The following CPD variants were observed in gnomAD, a reference collection of about 807,000 sequenced individuals.
CPD encodes the protein carboxypeptidase D.
In CPD, 69 loss-of-function variants were observed where a neutral mutation model predicts 138.3. That is an observed-to-expected ratio of 0.50 (90% CI 0.41 to 0.61). The LOEUF is 0.61. CPD is among the 20% of genes least tolerant of loss of function. The probability of loss-of-function intolerance (pLI) is 0.00; values close to 1 mark genes in which losing one functional copy is unlikely to be tolerated. For synonymous variants in CPD, 651 were observed against 642.1 expected (o/e 1.01, Z -0.21); for missense variants, 1,432 against 1,733.3 (o/e 0.83, Z 3.09).
intron 17 of CPD, among the ~76,000 whole-genome samples, chr17:30,458,866 A>G (rs1597738151): frequency 4.4e-4 from 1 of 2,298 alleles, no homozygotes. Flanking sequence ...ACCCTGTCTC[A>G]AAAAAAAAAA....
At chr17:30,408,797 A>C (rs1911877483) in intron 2 of CPD, among the ~76,000 whole-genome samples, 1 of 152,048 alleles carries the variant, frequency 6.6e-6, no homozygotes, top group Non-Finnish European at 1.5e-5. Flanking sequence ...AATACCCTTT[A>C]TTTCTTTCTC....
At chr17:30,463,108 A>G (rs960256271) in intron 20 of CPD, among the ~76,000 whole-genome samples, 3 of 152,124 alleles carry the variant, frequency 2.0e-5, no homozygotes, top group Non-Finnish European at 2.9e-5. Context: ...GATTTTGTTT[A>G]TGGCCAGTTT....
At chr17:30,444,192 C>T in intron 11 of CPD, 1 of 398,256 alleles carries the variant, frequency 2.5e-6, no homozygotes, top group Non-Finnish European at 4.5e-6. Flanking sequence ...CTAGTTATTG[C>T]TTAGTTGACT....
intron 12 of CPD, among the ~76,000 whole-genome samples, chr17:30,447,061 G>A (rs1913051353): frequency 6.6e-6 from 1 of 152,168 alleles, no homozygotes; most frequent in South Asian, 2.1e-4. Context: ...GTTCTTTGTA[G>A]ATTCTGGATA....
At position 30,440,713 on chromosome 17, in the gene CPD, C is replaced by T. The variant is rs1597730655; in HGVS notation, c.2231-1595C>T. On this transcript the variant is annotated intron_variant, in intron 9 of 20. Transcript: ENST00000225719. ...TTTCTCAGGTTTGTCAAAGATCAGA[C>T]AGTTGTAGGTATGTGGTGTTATTTC... Among the ~76,000 whole-genome samples the T allele has an allele frequency of 2.7e-5, 4 of 150,060 alleles. No individual in the cohort carries two copies. The South Asian group carries it at 6.4e-4, about 24-fold the overall frequency.
intron 2 of CPD, among the ~76,000 whole-genome samples, chr17:30,414,268 G>C (rs934734162): frequency 2.4e-4 from 37 of 152,160 alleles, no homozygotes; most frequent in African/African-American, 8.9e-4. Flanking sequence ...GCAGGAACAG[G>C]GGAACCTGTT....
At chr17:30,448,106 A>T (rs1341439647) in intron 12 of CPD, among the ~76,000 whole-genome samples, 1 of 152,236 alleles carries the variant, frequency 6.6e-6, no homozygotes. Context: ...AATACCAATT[A>T]CTTTTCTTCC....
chr17:30,401,194 T>TTGCTGCTGC (rs541279857), intron 2 of CPD, among the ~76,000 whole-genome samples: 1 of 151,720 alleles, frequency 6.6e-6, no homozygotes, highest in Admixed American at 6.6e-5. Context: ...GACTATTTTA[T>TTGCTGCTGC]TGCTGCTGCT....
chr17:30,400,964 A>G (rs916163847), intron 2 of CPD, among the ~76,000 whole-genome samples: 3 of 151,704 alleles, frequency 2.0e-5, no homozygotes, highest in Admixed American at 6.6e-5. Flanking sequence ...GGCGTGAGCC[A>G]CTGCACCCGG....
rs115257895 is a variant in CPD at position 30,464,859 on chromosome 17, T to C, written c.*45T>C. The stretch of plus-strand genomic sequence containing the variant: ...TCCCAGCATAAGTACCAAGCAAAAT[T>C]ACAGTTCCTCTTGGGAGAACACTGC... On this transcript the variant is annotated 3_prime_UTR_variant, in exon 21 of 21. Coordinates refer to ENST00000225719, the MANE Select transcript of CPD (RefSeq NM_001304.5). 2.4e-3 allele frequency: 3,519 copies of C among 1,469,376 alleles called. 64 individuals are homozygous for C. The African/African-American group carries it at 0.044, about 18-fold the overall frequency. The allele number at this position is 1,469,376 out of a possible 1,614,324, so 91.0% of individuals were successfully genotyped here.
intron 13 of CPD, among the ~76,000 whole-genome samples, chr17:30,451,112 AT>A (rs1913155404): frequency 6.6e-6 from 1 of 152,210 alleles, no homozygotes; most frequent in Admixed American, 6.5e-5. Context: ...CATTTTATAA[AT>A]GTAGAAACTG....
At chr17:30,420,298 C>G (rs1269318985) in intron 2 of CPD, among the ~76,000 whole-genome samples, 1 of 152,160 alleles carries the variant, frequency 6.6e-6, no homozygotes, top group Non-Finnish European at 1.5e-5. Context: ...CTCTTGCCAC[C>G]TTCTTGATAA....
At chr17:30,403,798 T>C (rs1397208897) in intron 2 of CPD, among the ~76,000 whole-genome samples, 2 of 152,110 alleles carry the variant, frequency 1.3e-5, no homozygotes, top group African/African-American at 4.8e-5. Flanking sequence ...ACCCAAAAGA[T>C]AGGAAAACAT....
intron 12 of CPD, among the ~76,000 whole-genome samples, chr17:30,448,445 T>C (rs891781618): frequency 2.0e-5 from 3 of 152,242 alleles, no homozygotes; most frequent in Admixed American, 2.0e-4. Context: ...CAAGACACAC[T>C]TTTTAGTTAA....
At chr17:30,421,957 G>GA (rs1912279231) in intron 4 of CPD, 124 bp downstream of exon 4, 2 of 768,180 alleles carry the variant, frequency 2.6e-6, no homozygotes, top group South Asian at 4.5e-5. Flanking sequence ...CTTATTTTCT[G>GA]ATTTTTCTCG....
At chr17:30,443,071 A>T (rs377607100) in intron 10 of CPD, among the ~76,000 whole-genome samples, 3 of 152,198 alleles carry the variant, frequency 2.0e-5, no homozygotes, top group East Asian at 1.9e-4. Context: ...AAAAGTTATG[A>T]CTAGCCAATA....
At chr17:30,397,459 A>G (rs945779359) in intron 2 of CPD, among the ~76,000 whole-genome samples, 3 of 152,176 alleles carry the variant, frequency 2.0e-5, no homozygotes, top group Non-Finnish European at 4.4e-5. Context: ...GTGGCTGGGT[A>G]TGGTGGCTCA....
At chr17:30,429,683 A>C (rs934701347) in intron 7 of CPD, among the ~76,000 whole-genome samples, 1 of 152,236 alleles carries the variant, frequency 6.6e-6, no homozygotes, top group African/African-American at 2.4e-5. Flanking sequence ...TCAAAAAAGC[A>C]GTGTTAAGGA....
chr17:30,424,681 T>G (rs1346441696), intron 6 of CPD, among the ~76,000 whole-genome samples: 1 of 152,268 alleles, frequency 6.6e-6, no homozygotes, highest in African/African-American at 2.4e-5. Context: ...ATTTATTGAC[T>G]TCTCATTTCT....
Sources: allele counts gnomAD v4.1 joint callset (sites outside exome capture counted in the v4.1 genomes callset), GRCh38; gene constraint gnomAD v4.1.1; transcripts MANE v1.5; gene names NCBI Gene and HGNC (gene_info 2026-07-23, HGNC 2026-07-21).